Variants in SLIT3 observed in about 807,000 individuals in gnomAD.
SLIT3 encodes the protein slit guidance ligand 3.
SLIT3 carries 68 observed loss-of-function variants against 184.0 expected under a neutral mutation model. The observed-to-expected ratio is 0.37, with a 90% CI of 0.30 to 0.45. SLIT3 has a LOEUF of 0.45. SLIT3 is among the 20% of genes least tolerant of loss of function. The probability of loss-of-function intolerance (pLI) is 1.00; values close to 1 mark genes in which losing one functional copy is unlikely to be tolerated. For synonymous variants in SLIT3, 831 were observed against 828.6 expected (o/e 1.00, Z -0.05); for missense variants, 1,707 against 2,026.0 (o/e 0.84, Z 3.02).
chr5:169,242,115 G>A (rs1765423929), intron 3 of SLIT3, among the ~76,000 whole-genome samples: 1 of 152,160 alleles, frequency 6.6e-6, no homozygotes, highest in Non-Finnish European at 1.5e-5. Context: ...AATGTATTAT[G>A]TTTTCCAATT....
At chr5:168,761,770 A>G (rs10045028) in intron 15 of SLIT3, among the ~76,000 whole-genome samples, 4,715 of 151,622 alleles carry the variant, frequency 0.031, 270 homozygotes, top group African/African-American at 0.11. Flanking sequence ...ACCGGGTCTC[A>G]CTCTGTGGCC....
At chr5:169,151,034 AG>A (rs1762097272) in intron 4 of SLIT3, among the ~76,000 whole-genome samples, 1 of 152,154 alleles carries the variant, frequency 6.6e-6, no homozygotes, top group Non-Finnish European at 1.5e-5. Context: ...TCTAGTAGTG[AG>A]GAAAAAAAAA....
At chr5:168,982,079 T>C (rs114470557) in intron 4 of SLIT3, among the ~76,000 whole-genome samples, 250 of 152,368 alleles carry the variant, frequency 1.6e-3, no homozygotes, top group African/African-American at 5.8e-3. Context: ...TGTAATTCTT[T>C]CCTTTCTTCT....
intron 3 of SLIT3, among the ~76,000 whole-genome samples, chr5:169,220,318 G>GAAA (rs34319698): frequency 4.6e-5 from 6 of 129,188 alleles, no homozygotes; most frequent in Admixed American, 2.2e-4. Context: ...TAGCCAAATG[G>GAAA]AAAAAAAAAA....
intron 4 of SLIT3, among the ~76,000 whole-genome samples, chr5:169,087,767 C>T (rs1759369883): frequency 6.6e-6 from 1 of 152,100 alleles, no homozygotes; most frequent in Admixed American, 6.5e-5. Flanking sequence ...AGGAAATAGG[C>T]CAAAATGCCA....
intron 4 of SLIT3, among the ~76,000 whole-genome samples, chr5:169,185,944 A>C (rs1763319208): frequency 6.6e-6 from 1 of 152,206 alleles, no homozygotes; most frequent in African/African-American, 2.4e-5. Context: ...CAAGCTGTCT[A>C]AATCTCTAGG....
At chr5:168,787,763 A>T (rs1297159943) in intron 11 of SLIT3, among the ~76,000 whole-genome samples, 2 of 152,086 alleles carry the variant, frequency 1.3e-5, no homozygotes, top group African/African-American at 2.4e-5. Context: ...AGCACGATAA[A>T]TATTTGTTGA....
intron 6 of SLIT3, among the ~76,000 whole-genome samples, chr5:168,833,269 A>G (rs1371006268): frequency 6.6e-6 from 1 of 152,230 alleles, no homozygotes; most frequent in Non-Finnish European, 1.5e-5. Flanking sequence ...AAAGCTGCAC[A>G]GGGTGCATGA....
intron 24 of SLIT3, among the ~76,000 whole-genome samples, 174 bp downstream of exon 24, chr5:168,712,109 G>T (rs1762577693): frequency 6.6e-6 from 1 of 152,194 alleles, no homozygotes; most frequent in Non-Finnish European, 1.5e-5. Flanking sequence ...TTCCTTTGAA[G>T]GCTTCTGAGG....
chr5:168,690,536 T>C (rs1323417039), intron 29 of SLIT3, among the ~76,000 whole-genome samples: 2 of 152,224 alleles, frequency 1.3e-5, no homozygotes, highest in Admixed American at 6.5e-5. Flanking sequence ...TGCATTTACA[T>C]GTCTCTTCCC....
At chr5:169,002,400 C>T (rs1755746280) in intron 4 of SLIT3, among the ~76,000 whole-genome samples, 1 of 138,144 alleles carries the variant, frequency 7.2e-6, no homozygotes, top group South Asian at 2.3e-4. Flanking sequence ...ACAGATGGGG[C>T]AGATGGGGAG....
rs114057486 is a variant in SLIT3, at chr5:169,124,482, T to A, written c.413+68997A>T. Among the ~76,000 whole-genome samples, 1,434 of 152,308 alleles carry A rather than the reference T, an allele frequency of 9.4e-3. 23 individuals are homozygous for A. The highest frequency in any genetic ancestry group is 0.033 in the African/African-American group (1,374 of 41,554). ...CCATGTCAGGGATGACTTAACAAGC[T>A]GATCAAAGAAGGGATTGATTCCAGA... On this transcript the variant is annotated intron_variant, in intron 4 of 35. Coordinates refer to ENST00000519560, the MANE Select transcript of SLIT3 (RefSeq NM_003062.4).
chr5:168,794,832 G>A (rs956097111), intron 10 of SLIT3, among the ~76,000 whole-genome samples: 1 of 152,154 alleles, frequency 6.6e-6, no homozygotes, highest in African/African-American at 2.4e-5. Context: ...CCTGCTGCCT[G>A]GGACAGTCTT....
intron 4 of SLIT3, among the ~76,000 whole-genome samples, chr5:169,103,258 G>A (rs1239607148): frequency 1.3e-5 from 2 of 152,204 alleles, no homozygotes; most frequent in Non-Finnish European, 2.9e-5. Flanking sequence ...CAAGCAGTGG[G>A]ATTTTTATTT....
intron 4 of SLIT3, among the ~76,000 whole-genome samples, chr5:169,125,847 G>C (rs1470432913): frequency 1.3e-5 from 2 of 152,122 alleles, no homozygotes; most frequent in Non-Finnish European, 2.9e-5. Flanking sequence ...TGGGAACAGG[G>C]GCTCACATTT....
At chr5:169,137,329 C>G (rs375169221) in intron 4 of SLIT3, among the ~76,000 whole-genome samples, 346 of 97,946 alleles carry the variant, frequency 3.5e-3, no homozygotes, top group Non-Finnish European at 4.7e-3. Flanking sequence ...CACACACACA[C>G]ACACACAGAG....
chr5:168,680,420 G>A (rs966673093), intron 32 of SLIT3, among the ~76,000 whole-genome samples: 2 of 152,250 alleles, frequency 1.3e-5, no homozygotes, highest in African/African-American at 4.8e-5. Flanking sequence ...GGACAGAATG[G>A]AGACCATGGA....
chr5:168,837,366 TA>T (rs1054422714), intron 6 of SLIT3, among the ~76,000 whole-genome samples: 3 of 152,134 alleles, frequency 2.0e-5, no homozygotes, highest in African/African-American at 7.2e-5. Context: ...TATAAATAAA[TA>T]AAAATGAGTC....
intron 4 of SLIT3, among the ~76,000 whole-genome samples, chr5:169,154,051 C>A (rs1019750171): frequency 4.0e-5 from 6 of 151,106 alleles, no homozygotes; most frequent in Non-Finnish European, 5.9e-5. Flanking sequence ...CAGCTCACTG[C>A]AAGCTCCACC....
Sources: gnomAD v4.1 joint callset for allele counts (sites outside exome capture counted in the v4.1 genomes callset) on GRCh38, gnomAD v4.1.1 for gene constraint, MANE v1.5 for transcripts, NCBI Gene and HGNC (gene_info 2026-07-23, HGNC 2026-07-21) for gene names.